Variants in NRG1 observed in about 807,000 individuals in gnomAD.
NRG1 encodes neuregulin 1.
A neutral mutation model predicts 63.8 loss-of-function variants in NRG1; 18 were observed. The observed-to-expected ratio is 0.28, with a 90% CI of 0.19 to 0.42. The LOEUF is 0.42. NRG1 is among the 10% of genes least tolerant of loss of function. NRG1 has a pLI of 1.00. For missense variants in NRG1, 762 were observed against 814.7 expected (o/e 0.94, Z 0.79); for synonymous variants, 302 against 301.3 (o/e 1.00, Z -0.02).
At chr8:32,267,793 T>C (rs1177450736) in intron 1 of NRG1, among the ~76,000 whole-genome samples, 3 of 152,222 alleles carry the variant, frequency 2.0e-5, no homozygotes, top group Non-Finnish European at 4.4e-5. Context: ...CCTTATGTTA[T>C]ACCTGTATTT....
intron 1 of NRG1, among the ~76,000 whole-genome samples, chr8:31,950,401 G>T (rs1019501289): frequency 2.0e-5 from 3 of 152,148 alleles, no homozygotes; most frequent in Non-Finnish European, 2.9e-5. Flanking sequence ...GGTGGAGATG[G>T]GAATAAAACT....
At chr8:32,180,535 T>C (rs1176090778) in intron 1 of NRG1, among the ~76,000 whole-genome samples, 1 of 152,196 alleles carries the variant, frequency 6.6e-6, no homozygotes, top group Non-Finnish European at 1.5e-5. Context: ...ACAGGGCTAA[T>C]AACTTATTAT....
chr8:32,562,374 A>G (rs2129527172), intron 1 of NRG1, among the ~76,000 whole-genome samples: 1 of 152,176 alleles, frequency 6.6e-6, no homozygotes, highest in South Asian at 2.1e-4. Context: ...TAACCTCCCA[A>G]GTAGCTGGGA....
intron 1 of NRG1, among the ~76,000 whole-genome samples, chr8:31,730,339 C>G (rs998414293): frequency 1.3e-5 from 2 of 151,998 alleles, no homozygotes; most frequent in Non-Finnish European, 2.9e-5. Flanking sequence ...TTGATATTTG[C>G]CAGGCTGGGG....
At chr8:31,740,590 C>T (rs1815162429) in intron 1 of NRG1, among the ~76,000 whole-genome samples, 1 of 151,882 alleles carries the variant, frequency 6.6e-6, no homozygotes, top group Non-Finnish European at 1.5e-5. Flanking sequence ...AATTGCCAAG[C>T]TTGACAGTTT....
chr8:31,954,847 C>T (rs150749358), intron 1 of NRG1, among the ~76,000 whole-genome samples: 1,556 of 152,196 alleles, frequency 0.01, 24 homozygotes, highest in South Asian at 0.075. Context: ...GGTCTCTAGG[C>T]GTTCTAATTA....
chr8:32,264,555 G>A (rs1272222061), intron 1 of NRG1, among the ~76,000 whole-genome samples: 1 of 152,158 alleles, frequency 6.6e-6, no homozygotes, highest in Non-Finnish European at 1.5e-5. Flanking sequence ...CTGCACAACA[G>A]TCTATGATAA....
intron 5 of NRG1, among the ~76,000 whole-genome samples, chr8:32,625,522 C>G (rs1426620579): frequency 1.3e-5 from 2 of 152,166 alleles, no homozygotes; most frequent in Non-Finnish European, 2.9e-5. Context: ...AGAGAGAATG[C>G]CTGGCTTTGT....
At position 31,949,775 on chromosome 8, in the gene NRG1, C is replaced by G. The variant is rs113637394; in HGVS notation, c.37+310344C>G. Among the ~76,000 whole-genome samples the G allele has an allele frequency of 5.9e-5, 9 of 152,292 alleles. 1 individual carries two copies. The highest frequency in any genetic ancestry group is 2.2e-4 in the African/African-American group (9 of 41,560). ...TTGGCAGTCTCATGAAGCCTATAGA[C>G]TCGAAGTGCATAAAATACCCTGGAT... is the stretch of plus-strand genomic sequence containing the variant. On this transcript the variant is annotated intron_variant, in intron 1 of 10. Transcript: ENST00000519301.
chr8:32,286,183 A>C (rs1172065014), intron 1 of NRG1, among the ~76,000 whole-genome samples: 1 of 152,212 alleles, frequency 6.6e-6, no homozygotes, highest in Non-Finnish European at 1.5e-5. Context: ...GAGTTTTATC[A>C]GCTGGATATT....
chr8:32,307,588 T>G (rs964411231), intron 1 of NRG1, among the ~76,000 whole-genome samples: 1 of 59,246 alleles, frequency 1.7e-5, no homozygotes, highest in Admixed American at 1.4e-4. Flanking sequence ...CACCCAGGGG[T>G]TTGTGTGTGT....
intron 1 of NRG1, among the ~76,000 whole-genome samples, chr8:31,677,357 T>C (rs1807820032): frequency 6.6e-6 from 1 of 152,222 alleles, no homozygotes; most frequent in African/African-American, 2.4e-5. Context: ...TATCTATTGA[T>C]ATAGAATCTA....
chr8:32,299,045 A>AAAAG (rs1554501324), intron 1 of NRG1, among the ~76,000 whole-genome samples: 1,741 of 144,676 alleles, frequency 0.012, 57 homozygotes, highest in African/African-American at 0.042. Context: ...AAAAAAAAAA[A>AAAAG]AAAGAAAGAA....
intron 1 of NRG1, chr8:32,441,143 T>G (rs747230091): frequency 1.3e-5 from 2 of 152,164 alleles, no homozygotes; most frequent in Non-Finnish European, 2.9e-5. Context: ...ACCTTAGTGT[T>G]CTCATGCTCA....
chr8:32,749,671 G>T, intron 7 of NRG1: 2 of 1,274,844 alleles, frequency 1.6e-6, no homozygotes, highest in Non-Finnish European at 2.2e-6. Flanking sequence ...TTACCTTTCA[G>T]TTCCTAACTA....
At chr8:31,964,291 C>T (rs149245176) in intron 1 of NRG1, among the ~76,000 whole-genome samples, 28 of 152,270 alleles carry the variant, frequency 1.8e-4, no homozygotes, top group African/African-American at 6.5e-4. Context: ...TAGGAAGATA[C>T]AAGCAAGTGC....
At chr8:31,671,339 TTTTA>T (rs1376798689) in intron 1 of NRG1, among the ~76,000 whole-genome samples, 1 of 152,140 alleles carries the variant, frequency 6.6e-6, no homozygotes, top group East Asian at 1.9e-4. Flanking sequence ...ATCAAAACCT[TTTTA>T]TTTATTTATT....
At chr8:31,812,973 G>T (rs1182098038) in intron 1 of NRG1, among the ~76,000 whole-genome samples, 1 of 152,168 alleles carries the variant, frequency 6.6e-6, no homozygotes, top group African/African-American at 2.4e-5. Flanking sequence ...ACACATCATT[G>T]TATTGATGAG....
chr8:32,454,048 C>T (rs970524768), intron 1 of NRG1, among the ~76,000 whole-genome samples: 1 of 152,152 alleles, frequency 6.6e-6, no homozygotes, highest in African/African-American at 2.4e-5. Context: ...TAAAGCATAT[C>T]CTGCCTTGAA....
Sources: allele counts gnomAD v4.1 joint callset (sites outside exome capture counted in the v4.1 genomes callset), GRCh38; gene constraint gnomAD v4.1.1; transcripts MANE v1.5; gene names NCBI Gene and HGNC (gene_info 2026-07-23, HGNC 2026-07-21).